ADAM18: variants seen among roughly 807,000 people sequenced by gnomAD.
ADAM18 encodes the protein disintegrin and metalloproteinase domain-containing protein 18.
Under a neutral mutation model 94.4 loss-of-function variants are expected in ADAM18, and 117 were observed. That is an observed-to-expected ratio of 1.24 (90% CI 1.07 to 1.45). The LOEUF (loss-of-function observed/expected upper bound fraction) is 1.45, where lower values mean the gene tolerates loss of function less well. Among genes scored for constraint, ADAM18 ranks in the 40% most tolerant of loss-of-function variants. ADAM18 has a pLI of 0.00. For missense variants in ADAM18, 936 were observed against 880.0 expected (o/e 1.06, Z -0.81); for synonymous variants, 327 against 291.6 (o/e 1.12, Z -1.24).
At chr8:39,665,580 T>A (rs1456097710) in intron 13 of ADAM18, among the ~76,000 whole-genome samples, 1 of 152,226 alleles carries the variant, frequency 6.6e-6, no homozygotes, top group Non-Finnish European at 1.5e-5. Flanking sequence ...GACTTACGGT[T>A]GCTTTGTAAA....
In ADAM18 at chr8:39,611,667, A is replaced by G. The variant is rs1035913504; in HGVS notation, c.522+961A>G. The G allele has an allele frequency of 5.8e-6, 5 of 858,002 alleles. No individual in the cohort carries two copies. In the African/African-American group the frequency reaches 9.2e-5, roughly 16 times the overall value. 53.1% of individuals were successfully genotyped at this position (858,002 alleles called of 1,614,324 possible). A position where few individuals can be genotyped will look rare whatever the true frequency, so the allele number is the denominator to read the frequency against. On this transcript the variant is annotated intron_variant, in intron 6 of 19. Transcript: ENST00000265707. ...TAAAAGTTGGACAAACTGCACATTAATTATTTTTATGGAATACATCAAAAA... is the reference window on the plus strand; with the variant it reads ...TAAAAGTTGGACAAACTGCACATTAGTTATTTTTATGGAATACATCAAAAA...
chr8:39,642,490 A>C (rs926396978), intron 10 of ADAM18, among the ~76,000 whole-genome samples: 1 of 151,776 alleles, frequency 6.6e-6, no homozygotes, highest in Non-Finnish European at 1.5e-5. Flanking sequence ...TAGTTATCTC[A>C]GCATCATTTA....
chr8:39,609,165 T>C (rs1452747419), intron 4 of ADAM18, 45 bp downstream of exon 4: 7 of 1,233,468 alleles, frequency 5.7e-6, no homozygotes, highest in East Asian at 2.4e-5. Context: ...GGTTATATTA[T>C]TACCATTAGA....
chr8:39,627,737 G>A (rs1443880068), intron 6 of ADAM18, among the ~76,000 whole-genome samples: 1 of 152,038 alleles, frequency 6.6e-6, no homozygotes, highest in Non-Finnish European at 1.5e-5. Context: ...TGAGATGTGA[G>A]ATACTGTTCC....
chr8:39,590,915 A>T (rs1363008811), intron 2 of ADAM18, among the ~76,000 whole-genome samples: 3 of 152,206 alleles, frequency 2.0e-5, no homozygotes, highest in Non-Finnish European at 4.4e-5. Flanking sequence ...TGAAAGTTCC[A>T]GGCATGTCTT....
chr8:39,696,085 A>C (rs573469397), intron 17 of ADAM18, among the ~76,000 whole-genome samples: 1 of 151,524 alleles, frequency 6.6e-6, no homozygotes, highest in Non-Finnish European at 1.5e-5. Flanking sequence ...AATAATAACC[A>C]TCTTAATAGT....
At chr8:39,658,669 A>G (rs1820751409) in intron 12 of ADAM18, among the ~76,000 whole-genome samples, 1 of 152,180 alleles carries the variant, frequency 6.6e-6, no homozygotes, top group Non-Finnish European at 1.5e-5. Context: ...GTAACCTGTT[A>G]AAGGTTACAG....
At chr8:39,644,377 A>G (rs1046698441) in intron 10 of ADAM18, among the ~76,000 whole-genome samples, 1 of 152,086 alleles carries the variant, frequency 6.6e-6, no homozygotes, top group African/African-American at 2.4e-5. Context: ...TGCAACCCCA[A>G]ACTCCTGGGC....
intron 2 of ADAM18, among the ~76,000 whole-genome samples, chr8:39,600,130 C>T (rs767643881): frequency 2.6e-5 from 4 of 152,086 alleles, no homozygotes; most frequent in Admixed American, 1.3e-4. Context: ...CTAATAAAAA[C>T]ATATAAATTT....
chr8:39,584,728 G>T, intron 1 of ADAM18, 51 bp downstream of exon 1: 1 of 1,589,186 alleles, frequency 6.3e-7, no homozygotes. Context: ...AGCTGGGCTG[G>T]GCTCTTACTG....
intron 18 of ADAM18, among the ~76,000 whole-genome samples, chr8:39,717,718 C>T (rs1391798219): frequency 6.6e-6 from 1 of 151,536 alleles, no homozygotes; most frequent in Non-Finnish European, 1.5e-5. Flanking sequence ...CATTGTGGGA[C>T]TATATCAAAC....
At chr8:39,610,379 C>A (rs1459310616) in intron 5 of ADAM18, 150 bp from the exon 6 acceptor site, 5 of 1,018,590 alleles carry the variant, frequency 4.9e-6, no homozygotes, top group Non-Finnish European at 4.0e-6. Flanking sequence ...GATAAACTGC[C>A]CCCCCAAAAA....
Position 39,668,188 on chromosome 8 carries a change from T to A in ADAM18, c.1517T>A (p.Phe506Tyr). 2 of 1,613,946 alleles carry A rather than the reference T, an allele frequency of 1.2e-6. No homozygotes were observed. The change falls in exon 14 of 20, where the codon TTT becomes TAT. Residue 506 changes from phenylalanine to tyrosine, a missense_variant. Coordinates refer to ENST00000265707, the MANE Select transcript of ADAM18 (RefSeq NM_014237.3). ...QTTDNQCAKI[F>Y]GKGAQGAPFA... Reference sequence around the variant, plus strand: ...ACTGATAACCAGTGTGCCAAGATATTTGGAAAAGGTATTGCTCTTTCTTTC... The same window carrying A: ...ACTGATAACCAGTGTGCCAAGATATATGGAAAAGGTATTGCTCTTTCTTTC...
chr8:39,648,255 T>G (rs746312388), intron 11 of ADAM18, 89 bp from the exon 12 acceptor site: 14 of 1,045,446 alleles, frequency 1.3e-5, no homozygotes, highest in Non-Finnish European at 1.8e-5. Flanking sequence ...GTGGCCATCT[T>G]GTGATTTACA....
At chr8:39,644,914 A>G (rs1000847193) in intron 10 of ADAM18, among the ~76,000 whole-genome samples, 3 of 152,166 alleles carry the variant, frequency 2.0e-5, no homozygotes, top group Admixed American at 2.0e-4. Context: ...CTCTCTTTCT[A>G]TAATATAAGC....
chr8:39,614,837 C>G (rs1017493356), intron 6 of ADAM18, among the ~76,000 whole-genome samples: 1 of 152,024 alleles, frequency 6.6e-6, no homozygotes. Flanking sequence ...AAACTATAAA[C>G]CAACAACAAT....
intron 17 of ADAM18, among the ~76,000 whole-genome samples, chr8:39,704,056 T>C (rs1054057655): frequency 2.6e-5 from 4 of 152,022 alleles, no homozygotes; most frequent in Non-Finnish European, 5.9e-5. Context: ...GCTCTGAAAT[T>C]GGGGCAGTAA....
At chr8:39,632,973 A>T (rs948549234) in intron 7 of ADAM18, among the ~76,000 whole-genome samples, 31 of 152,168 alleles carry the variant, frequency 2.0e-4, no homozygotes, top group Non-Finnish European at 5.9e-5. Flanking sequence ...GGCATGAGGC[A>T]ATTCTGTCAT....
intron 12 of ADAM18, among the ~76,000 whole-genome samples, chr8:39,650,781 C>G (rs972522137): frequency 2.0e-5 from 3 of 152,120 alleles, no homozygotes; most frequent in East Asian, 3.9e-4. Context: ...AATAGAGAAA[C>G]AATTTTCAAT....
Sources: gnomAD v4.1 joint callset for allele counts (sites outside exome capture counted in the v4.1 genomes callset) on GRCh38, gnomAD v4.1.1 for gene constraint, MANE v1.5 for transcripts, NCBI Gene and HGNC (gene_info 2026-07-23, HGNC 2026-07-21) for gene names.